Variants in DMXL1 observed in about 807,000 individuals in gnomAD.
DMXL1 encodes dmX-like protein 1.
Under a neutral mutation model 319.2 loss-of-function variants are expected in DMXL1, and 99 were observed. The ratio of observed to expected loss-of-function variants is 0.31; its 90% confidence interval spans 0.26 to 0.37. DMXL1 has a LOEUF of 0.37. DMXL1 is among the 10% of genes least tolerant of loss of function. The probability of loss-of-function intolerance (pLI) is 1.00; values close to 1 mark genes in which losing one functional copy is unlikely to be tolerated. For missense variants in DMXL1, 3,745 were observed against 3,595.6 expected (o/e 1.04, Z -1.06); for synonymous variants, 1,385 against 1,235.2 (o/e 1.12, Z -2.54).
chr5:119,126,355 T>C (rs993806131), intron 9 of DMXL1, among the ~76,000 whole-genome samples: 14 of 152,194 alleles, frequency 9.2e-5, no homozygotes, highest in Admixed American at 6.5e-4. Flanking sequence ...GTTTATATTA[T>C]AATTATCAAA....
intron 9 of DMXL1, among the ~76,000 whole-genome samples, chr5:119,122,023 C>T (rs1271151813): frequency 6.9e-6 from 1 of 145,172 alleles, no homozygotes; most frequent in South Asian, 2.2e-4. Flanking sequence ...GACGGGGCGG[C>T]TGGCCGGGCA....
chr5:119,233,160 A>G (rs1274061932), intron 38 of DMXL1, among the ~76,000 whole-genome samples, 180 bp from the exon 39 acceptor site: 2 of 152,188 alleles, frequency 1.3e-5, no homozygotes, highest in Non-Finnish European at 2.9e-5. Flanking sequence ...AGTCAAATGA[A>G]AGTGTATTGT....
intron 33 of DMXL1, chr5:119,206,591 G>A (rs887655608): frequency 1.0e-5 from 3 of 293,260 alleles, no homozygotes; most frequent in Non-Finnish European, 1.9e-5. Context: ...ACTTCTTAGG[G>A]TTAGAATAAA....
At chr5:119,151,430 C>T (rs1769768809) in intron 18 of DMXL1, among the ~76,000 whole-genome samples, 1 of 152,002 alleles carries the variant, frequency 6.6e-6, no homozygotes, top group South Asian at 2.1e-4. Flanking sequence ...AATCTTGACA[C>T]TTTTAGAGAT....
At chr5:119,202,893 A>G (rs1011113322) in intron 32 of DMXL1, among the ~76,000 whole-genome samples, 115 of 139,424 alleles carry the variant, frequency 8.2e-4, no homozygotes, top group African/African-American at 2.9e-3. Context: ...TTTTATATAT[A>G]TATATATATA....
chr5:119,101,125 T>C (rs1425910230), intron 2 of DMXL1, among the ~76,000 whole-genome samples: 2 of 152,172 alleles, frequency 1.3e-5, no homozygotes, highest in African/African-American at 4.8e-5. Context: ...AGTTGAATAC[T>C]CACTGCTTTT....
intron 1 of DMXL1, among the ~76,000 whole-genome samples, chr5:119,092,320 G>C (rs1021420119): frequency 3.3e-5 from 5 of 151,144 alleles, no homozygotes; most frequent in African/African-American, 4.9e-5. Context: ...GGGTCTTGCT[G>C]TGTTGCCCAG....
In DMXL1 at chr5:119,171,758, T is replaced by C. The variant is rs1335155596; in HGVS notation, c.6490-20T>C. The C allele has an allele frequency of 1.3e-6, 2 of 1,589,242 alleles. No individual in the cohort carries two copies. The highest frequency in any genetic ancestry group is 1.7e-6 in the Non-Finnish European group (2 of 1,168,034). The stretch of plus-strand genomic sequence containing the variant: ...AACTGTAAATAGTTGGTTAACCTTT[T>C]ATCCCTCTTTGTTTTTAAGGAAACA... On this transcript the variant is annotated intron_variant, in intron 24 of 43. Transcript: ENST00000539542.
intron 28 of DMXL1, among the ~76,000 whole-genome samples, chr5:119,181,145 C>T (rs868390653): frequency 3.2e-4 from 48 of 152,090 alleles, no homozygotes; most frequent in African/African-American, 8.9e-4. Context: ...GCAAAAATAC[C>T]ATTACATAAA....
intron 1 of DMXL1, among the ~76,000 whole-genome samples, chr5:119,087,128 GTTTCA>G (rs1753552698): frequency 6.6e-6 from 1 of 150,722 alleles, no homozygotes; most frequent in Non-Finnish European, 1.5e-5. Flanking sequence ...TCATTAAAAA[GTTTCA>G]TTTCATTGAT....
chr5:119,224,843 T>C, intron 38 of DMXL1, 74 bp downstream of exon 38: 1 of 634,886 alleles, frequency 1.6e-6, no homozygotes, highest in Non-Finnish European at 2.5e-6. Context: ...TTATAAGAAA[T>C]GTGTGGGAAC....
chr5:119,199,463 CTG>C (rs1780276685), intron 32 of DMXL1, among the ~76,000 whole-genome samples: 1 of 152,208 alleles, frequency 6.6e-6, no homozygotes, highest in African/African-American at 2.4e-5. Flanking sequence ...TTTATCCAGT[CTG>C]TCACTGATGA....
At chr5:119,225,865 G>A (rs1785453675) in intron 38 of DMXL1, among the ~76,000 whole-genome samples, 1 of 152,070 alleles carries the variant, frequency 6.6e-6, no homozygotes, top group Admixed American at 6.6e-5. Context: ...GAACTAAAAA[G>A]CAGTCATGAA....
chr5:119,203,556 C>T (rs1308234212), intron 33 of DMXL1, 120 bp downstream of exon 33: 1 of 471,944 alleles, frequency 2.1e-6, no homozygotes, highest in Non-Finnish European at 3.8e-6. Flanking sequence ...TAAACATAGG[C>T]AATTAATGCT....
At chr5:119,160,290 C>G (rs1299054412) in intron 19 of DMXL1, among the ~76,000 whole-genome samples, 1 of 152,066 alleles carries the variant, frequency 6.6e-6, no homozygotes, top group Admixed American at 6.6e-5. Flanking sequence ...TCTTCTTTGA[C>G]TCATTGTTTT....
At chr5:119,103,709 A>G (rs549469852) in intron 3 of DMXL1, among the ~76,000 whole-genome samples, 1 of 152,348 alleles carries the variant, frequency 6.6e-6, no homozygotes, top group South Asian at 2.1e-4. Flanking sequence ...AGTAATTGGC[A>G]GTACTAAAAA....
intron 4 of DMXL1, among the ~76,000 whole-genome samples, chr5:119,105,514 G>A (rs561292551): frequency 1.2e-4 from 19 of 152,272 alleles, no homozygotes; most frequent in African/African-American, 4.1e-4. Context: ...GAGAATTAAC[G>A]TTTCATTGAA....
At chr5:119,189,438 C>T (rs1411660941) in intron 28 of DMXL1, among the ~76,000 whole-genome samples, 2 of 152,048 alleles carry the variant, frequency 1.3e-5, no homozygotes, top group African/African-American at 4.8e-5. Context: ...GATTTATGGG[C>T]GGATATTACA....
chr5:119,199,017 G>A (rs535733956), intron 32 of DMXL1, among the ~76,000 whole-genome samples: 6 of 152,220 alleles, frequency 3.9e-5, no homozygotes, highest in African/African-American at 1.4e-4. Context: ...CTCCTGAATA[G>A]CTGGGATCAC....
Sources: allele counts gnomAD v4.1 joint callset (sites outside exome capture counted in the v4.1 genomes callset), GRCh38; gene constraint gnomAD v4.1.1; transcripts MANE v1.5; gene names NCBI Gene and HGNC (gene_info 2026-07-23, HGNC 2026-07-21).